The following PCDHGB4 variants were observed in gnomAD, a reference collection of about 807,000 sequenced individuals.
PCDHGB4 encodes protocadherin gamma-B4.
A neutral mutation model predicts 60.5 loss-of-function variants in PCDHGB4; 38 were observed. The ratio of observed to expected loss-of-function variants is 0.63; its 90% CI spans 0.48 to 0.82. The LOEUF (loss-of-function observed/expected upper bound fraction) is 0.82, where lower values mean the gene tolerates loss of function less well. Ranked by LOEUF, PCDHGB4 falls within the 40% of genes least tolerant of loss-of-function variation. PCDHGB4 has a pLI of 0.00. For synonymous variants in PCDHGB4, 456 were observed against 509.7 expected, an observed-to-expected ratio of 0.89 and a Z score of 1.42; for missense variants, 1,109 against 1,209.6, an observed-to-expected ratio of 0.92 and a Z score of 1.23.
chr5:141,478,372 G>A (rs778468803), intron 1 of PCDHGB4: 2 of 1,613,704 alleles, frequency 1.2e-6, no homozygotes, highest in Non-Finnish European at 8.5e-7. Flanking sequence ...GAGGCCTGAT[G>A]TCGCCGCACC....
intron 1 of PCDHGB4, among the ~76,000 whole-genome samples, chr5:141,430,014 G>A (rs925858697): frequency 6.6e-6 from 1 of 152,130 alleles, no homozygotes; most frequent in South Asian, 2.1e-4. Context: ...TTTCACTTGG[G>A]TTCTTGTTAA....
chr5:141,422,535 A>T lies in PCDHGB4; in HGVS notation c.2397+32254A>T, dbSNP rs760963618. On this transcript the variant is annotated intron_variant, in intron 1 of 3. Transcript: ENST00000519479. ...AGGGAAGCCCGCCTTTGTCTGCAGA[A>T]ACTCATGTCTGGCTGAATGTGGCAG... 20 of 1,613,826 alleles carry T rather than the reference A, an allele frequency of 1.2e-5. 1 individual carries two copies. Among genetic ancestry groups the T allele is most frequent in the Non-Finnish European group, 8.5e-7 (1 of 1,179,882 alleles).
At chr5:141,459,874 A>G (rs922438277) in intron 1 of PCDHGB4, among the ~76,000 whole-genome samples, 10 of 152,156 alleles carry the variant, frequency 6.6e-5, no homozygotes, top group African/African-American at 2.4e-4. Flanking sequence ...TTCATCTTTA[A>G]CTGAGCTGAA....
intron 1 of PCDHGB4, chr5:141,427,988 T>C (rs555561265): frequency 6.3e-7 from 1 of 1,598,504 alleles, no homozygotes; most frequent in South Asian, 1.1e-5. Context: ...TGGGGCCCGA[T>C]GGCTCCGCAC....
At chr5:141,443,317 C>CA (rs35054295) in intron 1 of PCDHGB4, among the ~76,000 whole-genome samples, 76,100 of 141,790 alleles carry the variant, frequency 0.54, 21,234 homozygotes, top group African/African-American at 0.75. Flanking sequence ...CCCATCTCTA[C>CA]AAAAAAAAAA....
intron 1 of PCDHGB4, chr5:141,492,046 A>C: frequency 6.1e-6 from 3 of 494,434 alleles, no homozygotes; most frequent in South Asian, 8.1e-5. Flanking sequence ...TCACAGATCC[A>C]CCCCTGCAGC....
chr5:141,399,522 C>T, intron 1 of PCDHGB4: 6 of 1,614,056 alleles, frequency 3.7e-6, no homozygotes, highest in Non-Finnish European at 5.1e-6. Flanking sequence ...CTCCTGGGGC[C>T]TCCATCGCGC....
intron 1 of PCDHGB4, among the ~76,000 whole-genome samples, chr5:141,455,315 T>G (rs1416163436): frequency 6.6e-6 from 1 of 152,152 alleles, no homozygotes; most frequent in Non-Finnish European, 1.5e-5. Context: ...TTAGCAATTT[T>G]GTGTGTGTGT....
At position 141,432,957 on chromosome 5, in the gene PCDHGB4, C is replaced by T. The variant is rs2097553676; in HGVS notation, c.2397+42676C>T. 1 of 1,614,190 alleles carries T rather than the reference C, an allele frequency of 6.2e-7. No individual in the cohort carries two copies. The highest frequency in any genetic ancestry group is 8.5e-7 in the Non-Finnish European group (1 of 1,180,030). ...CTGCAGGCTTCAGGAGGCGGCTTGA[C>T]AGGAGCGCCGGCGTCGCACTTTGTG... On this transcript the variant is annotated intron_variant, in intron 1 of 3. Coordinates refer to ENST00000519479, the MANE Select transcript of PCDHGB4 (RefSeq NM_003736.4). This position sits in a 1 kb window ranked among gnomAD's most constrained non-coding sequence, Gnocchi z 6.0.
At chr5:141,480,745 C>T (rs528415324) in intron 1 of PCDHGB4, among the ~76,000 whole-genome samples, 1 of 152,278 alleles carries the variant, frequency 6.6e-6, no homozygotes, top group Non-Finnish European at 1.5e-5. Flanking sequence ...ACATAGGCAT[C>T]ATTTTTTGAA....
chr5:141,491,407 G>A lies in PCDHGB4; in HGVS notation c.2398-3400G>A. ...GAAGTGCCTTCAGGGAAACGCAGAC[G>A]GGGACGGGGGTGGAGGGCAGTGCTG... is the stretch of plus-strand genomic sequence containing the variant. On this transcript the variant is annotated intron_variant, in intron 1 of 3. Transcript: ENST00000519479. The surrounding 1 kb of genome is among the most constrained non-coding windows in gnomAD (Gnocchi z 6.9). The A allele has an allele frequency of 6.2e-7, 1 of 1,614,116 alleles. No individual in the cohort carries two copies. The highest frequency in any genetic ancestry group is 8.5e-7 in the Non-Finnish European group (1 of 1,180,000).
intron 1 of PCDHGB4, chr5:141,430,836 C>T: frequency 6.4e-7 from 1 of 1,558,936 alleles, no homozygotes; most frequent in South Asian, 1.2e-5. Context: ...CTGTGGGAGA[C>T]CGGATGCACC....
At position 141,399,286 on chromosome 5, in the gene PCDHGB4, C is replaced by T; in HGVS notation, c.2397+9005C>T. 3.1e-6 allele frequency: 5 copies of T among 1,613,858 alleles called. No individual in the cohort carries two copies. In the South Asian group the frequency reaches 5.5e-5, roughly 18 times the overall value. ...TAATTGTCAATTACAAGGCGAAGTCCCTTTTAAGATTATCTCTTCATCCAA... is the reference window on the plus strand; with the variant it reads ...TAATTGTCAATTACAAGGCGAAGTCTCTTTTAAGATTATCTCTTCATCCAA... On this transcript the variant is annotated intron_variant, in intron 1 of 3. Transcript: ENST00000519479.
intron 1 of PCDHGB4, among the ~76,000 whole-genome samples, chr5:141,443,787 A>C (rs957552086): frequency 3.3e-5 from 5 of 152,222 alleles, no homozygotes; most frequent in African/African-American, 1.2e-4. Flanking sequence ...AAGACAAAAA[A>C]AATGAAAAGG....
chr5:141,415,325 C>A (rs1046074461), intron 1 of PCDHGB4: 2 of 1,614,094 alleles, frequency 1.2e-6, no homozygotes, highest in Non-Finnish European at 1.7e-6. Context: ...GTGCTGCTGG[C>A]GCACAGGCTG....
At chr5:141,410,295 T>A (rs1043971768) in intron 1 of PCDHGB4, 1 of 1,613,982 alleles carries the variant, frequency 6.2e-7, no homozygotes, top group Admixed American at 1.7e-5. Flanking sequence ...GCCTTGGCCT[T>A]AATCTCAGTG....
chr5:141,457,579 A>G (rs557894260), intron 1 of PCDHGB4, among the ~76,000 whole-genome samples: 123 of 152,346 alleles, frequency 8.1e-4, no homozygotes, highest in Non-Finnish European at 1.4e-3. Flanking sequence ...TTTTCTCTCC[A>G]GTCCTCATTT....
At position 141,490,479 on chromosome 5, in the gene PCDHGB4, C is replaced by T; in HGVS notation, c.2398-4328C>T. 11 of 1,614,216 alleles carry T rather than the reference C, an allele frequency of 6.8e-6. No homozygotes were observed. Among genetic ancestry groups the T allele is most frequent in the Non-Finnish European group, 9.3e-6 (11 of 1,180,032 alleles). ...CGCTGCTAACCAGCCAGCCTTTGGACCGGGAGGCCACATCCCACTATATCA... is the reference window on the plus strand; with the variant it reads ...CGCTGCTAACCAGCCAGCCTTTGGATCGGGAGGCCACATCCCACTATATCA... On this transcript the variant is annotated intron_variant, in intron 1 of 3. Coordinates refer to ENST00000519479, the MANE Select transcript of PCDHGB4 (RefSeq NM_003736.4). This position sits in a 1 kb window ranked among gnomAD's most constrained non-coding sequence, Gnocchi z 5.4.
rs1334650353 is a variant in PCDHGB4, at chr5:141,493,099, A to T, written c.2398-1708A>T. Among the ~76,000 whole-genome samples, 1 of 152,192 alleles carries T rather than the reference A, an allele frequency of 6.6e-6. No homozygotes were observed. Among genetic ancestry groups the T allele is most frequent in the East Asian group, 1.9e-4 (1 of 5,198 alleles). On this transcript the variant is annotated intron_variant, in intron 1 of 3. Coordinates refer to ENST00000519479, the MANE Select transcript of PCDHGB4 (RefSeq NM_003736.4). This position sits in a 1 kb window ranked among gnomAD's most constrained non-coding sequence, Gnocchi z 4.3. ...CTCCAGGAGCTTTTATTCAAAATAT[A>T]TCAATGCCTAACTCTGCTCCTAGGA... is the stretch of plus-strand genomic sequence containing the variant.
Sources: gnomAD v4.1 joint callset for allele counts (sites outside exome capture counted in the v4.1 genomes callset) on GRCh38, gnomAD v4.1.1 for gene constraint, Gnocchi (gnomAD v3.1) non-coding constraint, MANE v1.5 for transcripts, NCBI Gene and HGNC (gene_info 2026-07-23, HGNC 2026-07-21) for gene names.